Variants in ELP4 observed in about 807,000 individuals in gnomAD.
The protein encoded by ELP4 is elongator complex protein 4.
ELP4 carries 51 observed loss-of-function variants against 48.9 expected under a neutral mutation model. The observed-to-expected ratio is 1.04, with a 90% confidence interval of 0.83 to 1.32. The LOEUF is 1.32. ELP4 is among the 40% of genes most tolerant of loss of function. ELP4 has a pLI of 0.00. For synonymous variants in ELP4, 210 were observed against 189.2 expected (o/e 1.11, Z -0.90); for missense variants, 519 against 514.6 (o/e 1.01, Z -0.08).
At chr11:31,682,129 A>C in intron 9 of ELP4, 1 of 1,187,232 alleles carries the variant, frequency 8.4e-7, no homozygotes, top group Admixed American at 3.5e-5. Flanking sequence ...CGTCCCATCC[A>C]ACTATGCAAC....
At chr11:31,532,163 A>G (rs1956405500) in intron 2 of ELP4, among the ~76,000 whole-genome samples, 1 of 152,210 alleles carries the variant, frequency 6.6e-6, no homozygotes, top group African/African-American at 2.4e-5. Context: ...TTACCAAATA[A>G]CTTAACGAAT....
chr11:31,709,788 A>T (rs1282965432), intron 9 of ELP4, among the ~76,000 whole-genome samples: 1 of 152,238 alleles, frequency 6.6e-6, no homozygotes, highest in African/African-American at 2.4e-5. Flanking sequence ...CCAAAACAAT[A>T]ATTATCATTG....
chr11:31,628,864 T>A lies in ELP4; in HGVS notation c.738+1670T>A, dbSNP rs190522137. 6.9e-3 allele frequency among the ~76,000 whole-genome samples: 1,051 copies of A among 152,220 alleles called. 15 individuals carry two copies. The highest frequency in any genetic ancestry group is 0.022 in the African/African-American group (909 of 41,584). ...TCTGTCTCAGAAACTTCAGATGAGT[T>A]CTAGAAGCCAGAGAAATACGCCTAT... On this transcript the variant is annotated intron_variant, in intron 6 of 9. Coordinates refer to ENST00000640961, the MANE Select transcript of ELP4 (RefSeq NM_019040.5).
chr11:31,618,560 AATACGG>A (rs1944546374), intron 5 of ELP4, among the ~76,000 whole-genome samples: 1 of 152,086 alleles, frequency 6.6e-6, no homozygotes, highest in African/African-American at 2.4e-5. Flanking sequence ...CCCACCACTT[AATACGG>A]TAACAATGGC....
chr11:31,608,904 G>C (rs1957926308), intron 5 of ELP4, among the ~76,000 whole-genome samples: 1 of 152,156 alleles, frequency 6.6e-6, no homozygotes. Context: ...GCTATTAGCA[G>C]AGTTACCCTG....
chr11:31,546,944 A>G lies in ELP4; in HGVS notation c.381+7161A>G, dbSNP rs1419545198. Among the ~76,000 whole-genome samples, 79 of 152,338 alleles carry G rather than the reference A, an allele frequency of 5.2e-4. 2 individuals are homozygous for G. The East Asian group carries it at 0.014, about 26-fold the overall frequency. ...GATGTTCTTTGAAACCAACGAGAAC[A>G]AAGACACAACGTACCAGAATCTCTG... On this transcript the variant is annotated intron_variant, in intron 3 of 9. Coordinates refer to ENST00000640961, the MANE Select transcript of ELP4 (RefSeq NM_019040.5).
intron 9 of ELP4, among the ~76,000 whole-genome samples, chr11:31,754,841 C>T (rs1311696836): frequency 6.6e-6 from 1 of 152,162 alleles, no homozygotes; most frequent in East Asian, 1.9e-4. Context: ...CATTATACTT[C>T]AGCCTGGGTG....
intron 7 of ELP4, among the ~76,000 whole-genome samples, chr11:31,640,445 A>G (rs1378591097): frequency 1.3e-5 from 2 of 151,956 alleles, no homozygotes; most frequent in Non-Finnish European, 2.9e-5. Flanking sequence ...CTTGTAAACA[A>G]TTACAATTTA....
chr11:31,615,596 G>GCTT (rs1416586214), intron 5 of ELP4, among the ~76,000 whole-genome samples: 10 of 151,702 alleles, frequency 6.6e-5, no homozygotes, highest in African/African-American at 9.7e-5. Context: ...AACACAATCA[G>GCTT]CTTTTTTTTT....
At chr11:31,574,871 C>T (rs1346799238) in intron 3 of ELP4, among the ~76,000 whole-genome samples, 1 of 152,214 alleles carries the variant, frequency 6.6e-6, no homozygotes, top group Non-Finnish European at 1.5e-5. Flanking sequence ...AAAATCAGAG[C>T]ACCTCTTCTC....
intron 2 of ELP4, among the ~76,000 whole-genome samples, chr11:31,525,920 A>G (rs1056840494): frequency 5.3e-5 from 8 of 152,000 alleles, no homozygotes; most frequent in Non-Finnish European, 1.2e-4. Flanking sequence ...AATACTCCGT[A>G]TTTTTCTCTT....
chr11:31,536,871 T>G (rs998256604), intron 2 of ELP4, among the ~76,000 whole-genome samples: 4 of 152,242 alleles, frequency 2.6e-5, no homozygotes, highest in Admixed American at 2.6e-4. Flanking sequence ...TAAAATATAT[T>G]CTGGATACCA....
rs755963225 is a variant in ELP4 at position 31,509,865 on chromosome 11, CA to C, written c.82del (p.Ser28ValfsTer11). On this transcript the variant is annotated frameshift_variant, in exon 1 of 10. Coordinates refer to ENST00000640961, the MANE Select transcript of ELP4 (RefSeq NM_019040.5). LOFTEE classifies it high-confidence loss of function. ...CGACAGCCAGCAAGAGCAACGTCAC[CA>C]GTTTCCAGAGGAGGGGTCCTAGAGC... The part of the protein sequence containing the change: ...VATASKSNVT[S>X]FQRRGPRASV... The C allele has an allele frequency of 1.4e-5, 22 of 1,614,064 alleles. No individual in the cohort carries two copies. The highest frequency in any genetic ancestry group is 1.9e-5 in the Non-Finnish European group (22 of 1,180,044).
At chr11:31,727,170 C>A (rs1241660555) in intron 9 of ELP4, among the ~76,000 whole-genome samples, 1 of 150,074 alleles carries the variant, frequency 6.7e-6, no homozygotes, top group Admixed American at 6.6e-5. Flanking sequence ...TTTTTTTTAA[C>A]TTTAAAGTGA....
intron 9 of ELP4, among the ~76,000 whole-genome samples, chr11:31,743,602 A>G (rs1022952809): frequency 3.3e-5 from 5 of 152,166 alleles, no homozygotes; most frequent in Admixed American, 6.5e-5. Context: ...CTCACTCAAA[A>G]CCGCTCAACT....
In ELP4 at chr11:31,787,046, TC is replaced by T. The variant is rs886048188; in HGVS notation, c.*3523del. On this transcript the variant is annotated 3_prime_UTR_variant, in exon 10 of 10. Coordinates refer to ENST00000640961, the MANE Select transcript of ELP4 (RefSeq NM_019040.5). ...AAATAAATAATAAACAAAAATTATT[TC>T]AACAATGAGTAAAAGGCCAACTCCC... 3.6e-4 allele frequency: 83 copies of T among 228,028 alleles called. No individual in the cohort carries two copies. Among genetic ancestry groups the T allele is most frequent in the African/African-American group, 1.7e-3 (76 of 45,120 alleles). The allele number at this position is 228,028 out of a possible 1,614,324, so 14.1% of individuals were successfully genotyped here.
chr11:31,763,328 T>C, intron 9 of ELP4: 1 of 1,236,846 alleles, frequency 8.1e-7, no homozygotes, highest in South Asian at 1.9e-5. Flanking sequence ...AAATGAGATG[T>C]TAGCTTTTTC....
chr11:31,764,707 A>T (rs1211473363), intron 9 of ELP4, among the ~76,000 whole-genome samples: 1 of 152,146 alleles, frequency 6.6e-6, no homozygotes, highest in African/African-American at 2.4e-5. Context: ...TATACAGATA[A>T]ATTTTCTGAA....
At chr11:31,564,211 C>G (rs1219417454) in intron 3 of ELP4, among the ~76,000 whole-genome samples, 1 of 151,938 alleles carries the variant, frequency 6.6e-6, no homozygotes, top group African/African-American at 2.4e-5. Flanking sequence ...TATTAGATAA[C>G]AAAAGTATCA....
Sources: gnomAD v4.1 joint callset for allele counts (sites outside exome capture counted in the v4.1 genomes callset) on GRCh38, gnomAD v4.1.1 for gene constraint, MANE v1.5 for transcripts, NCBI Gene and HGNC (gene_info 2026-07-23, HGNC 2026-07-21) for gene names.